Variants in CSNK1A1 observed in about 807,000 individuals in gnomAD.
CSNK1A1 encodes casein kinase 1 alpha 1.
A neutral mutation model predicts 46.1 loss-of-function variants in CSNK1A1; 7 were observed. The observed-to-expected ratio is 0.15, with a 90% CI of 0.09 to 0.29. The LOEUF is 0.29. Among genes scored for constraint, CSNK1A1 ranks in the 10% least tolerant of loss-of-function variants. The pLI is 1.00. For missense variants in CSNK1A1, 96 were observed against 417.1 expected, an observed-to-expected ratio of 0.23 and a Z score of 6.71; for synonymous variants, 137 against 141.5, an observed-to-expected ratio of 0.97 and a Z score of 0.23.
intron 9 of CSNK1A1, chr5:149,502,770 C>CA: frequency 1.1e-6 from 1 of 899,748 alleles, no homozygotes; most frequent in Non-Finnish European, 1.3e-6. Context: ...GTATGAGTTC[C>CA]TTTTTTTTTT....
chr5:149,515,581 GA>G (rs1448145750), intron 4 of CSNK1A1, among the ~76,000 whole-genome samples: 1 of 152,088 alleles, frequency 6.6e-6, no homozygotes, highest in East Asian at 1.9e-4. Flanking sequence ...TGTTAGTACT[GA>G]ACAAAGATAG....
At chr5:149,503,007 C>G (rs1465310116) in intron 9 of CSNK1A1, 1 of 914,372 alleles carries the variant, frequency 1.1e-6, no homozygotes, top group Non-Finnish European at 1.3e-6. Flanking sequence ...CTCAAGTGAT[C>G]TGCTTGCCTC....
rs1331725111 is a variant in CSNK1A1, at chr5:149,550,717, C to T, written c.123+125G>A. 3.0e-6 allele frequency: 4 copies of T among 1,342,948 alleles called. No individual in the cohort carries two copies. Among genetic ancestry groups the T allele is most frequent in the African/African-American group, 2.9e-5 (2 of 68,196 alleles). The allele number at this position is 1,342,948 out of a possible 1,614,324, so 83.2% of individuals were successfully genotyped here. On this transcript the variant is annotated intron_variant, in intron 1 of 9. Transcript: ENST00000377843. The surrounding 1 kb of genome is among the most constrained non-coding windows in gnomAD (Gnocchi z 4.3). ...GAGGTTCGTAAGCCAGGAAAACTAG[C>T]TCCCTGGACTCCCTGGCGAGTGCGT...
chr5:149,515,937 T>C (rs139359433), intron 4 of CSNK1A1, among the ~76,000 whole-genome samples: 1 of 152,240 alleles, frequency 6.6e-6, no homozygotes, highest in Non-Finnish European at 1.5e-5. Context: ...CTGTGGATTT[T>C]TACTAACTAC....
intron 9 of CSNK1A1, chr5:149,501,214 C>T: frequency 1.0e-6 from 1 of 985,394 alleles, no homozygotes; most frequent in Non-Finnish European, 1.2e-6. Flanking sequence ...GCACTTTCAT[C>T]CGCATTTCCT....
chr5:149,539,718 T>C (rs942753496), intron 2 of CSNK1A1, among the ~76,000 whole-genome samples: 1 of 152,048 alleles, frequency 6.6e-6, no homozygotes, highest in African/African-American at 2.4e-5. Context: ...AGGGATTAGT[T>C]GTCTTTTTTT....
In CSNK1A1 at chr5:149,496,747, C is replaced by T; in HGVS notation, c.*106G>A. ...TTCTTTACACCAAGTAAATGGTTGT[C>T]CACAACCACTGGCTAGTGTACATAT... On this transcript the variant is annotated 3_prime_UTR_variant, in exon 10 of 10. Coordinates refer to ENST00000377843, the MANE Select transcript of CSNK1A1 (RefSeq NM_001892.6). 1 of 1,444,676 alleles carries T rather than the reference C, an allele frequency of 6.9e-7. No individual in the cohort carries two copies. The highest frequency in any genetic ancestry group is 9.3e-7 in the Non-Finnish European group (1 of 1,079,996). The allele number at this position is 1,444,676 out of a possible 1,614,324, so 89.5% of individuals were successfully genotyped here. A position where few individuals can be genotyped will look rare whatever the true frequency, so the allele number is the denominator to read the frequency against.
intron 9 of CSNK1A1, chr5:149,497,855 A>T (rs2113035833): frequency 9.2e-6 from 9 of 977,910 alleles, no homozygotes; most frequent in African/African-American, 1.8e-5. Context: ...TTTTTTTTGG[A>T]GACAGTCTCG....
In CSNK1A1 at chr5:149,525,392, T is replaced by C. The variant is rs1047950516; in HGVS notation, c.231-221A>G. On this transcript the variant is annotated intron_variant, in intron 2 of 9. Transcript: ENST00000377843. The surrounding 1 kb of genome is among the most constrained non-coding windows in gnomAD (Gnocchi z 4.2). ...TGTCATGCAACTCCATTCTCCTATA[T>C]AGATAGGACATGCATAGTAGCCTTA... is the stretch of plus-strand genomic sequence containing the variant. Among the ~76,000 whole-genome samples the C allele has an allele frequency of 1.6e-4, 25 of 152,082 alleles. 1 individual carries two copies. The highest frequency in any genetic ancestry group is 8.8e-5 in the Non-Finnish European group (6 of 68,016).
At chr5:149,543,107 T>C (rs1334255669) in intron 2 of CSNK1A1, among the ~76,000 whole-genome samples, 5 of 152,162 alleles carry the variant, frequency 3.3e-5, no homozygotes, top group African/African-American at 1.2e-4. Context: ...GTTACTTATA[T>C]TTATGTAAGA....
rs780440830 is a variant in CSNK1A1 at position 149,509,920 on chromosome 5, T to A, written c.709A>T (p.Ser237Cys). Residue 237 changes from serine (S) to cysteine (C), a missense_variant, in exon 7 of 10, where the codon AGT becomes TGT. Physicochemically the swap from Ser to Cys is moderately radical, Grantham distance 112. Coordinates refer to ENST00000377843, the MANE Select transcript of CSNK1A1 (RefSeq NM_001892.6). ...ACAGGCGTGGACATCTTCTTTTCACTAATCTTTTCATATTTTTGTTTCTTT... is the reference window on the plus strand; with the variant it reads ...ACAGGCGTGGACATCTTCTTTTCACAAATCTTTTCATATTTTTGTTTCTTT... The part of the protein sequence containing the change: ...ATKKQKYEKI[S>C]EKKMSTPVEV... 6.2e-7 allele frequency: 1 copy of A among 1,610,624 alleles called. No individual in the cohort carries two copies. The highest frequency in any genetic ancestry group is 8.5e-7 in the Non-Finnish European group (1 of 1,178,136).
At chr5:149,532,332 G>T (rs114460792) in intron 2 of CSNK1A1, among the ~76,000 whole-genome samples, 225 of 152,096 alleles carry the variant, frequency 1.5e-3, no homozygotes, top group African/African-American at 5.2e-3. Flanking sequence ...AGTGGCTCAT[G>T]CTGAGATCAT....
In CSNK1A1 at chr5:149,539,468, T is replaced by TAA. The variant is rs5872133; in HGVS notation, c.230+10605_230+10606dup. Among the ~76,000 whole-genome samples, 15 of 137,470 alleles carry TAA rather than the reference T, an allele frequency of 1.1e-4. No individual in the cohort carries two copies. In the South Asian group the frequency reaches 2.6e-3, roughly 23 times the overall value. 90.2% of individuals were successfully genotyped at this position (137,470 alleles called of 152,430 possible). On this transcript the variant is annotated intron_variant, in intron 2 of 9. Coordinates refer to ENST00000377843, the MANE Select transcript of CSNK1A1 (RefSeq NM_001892.6). ...GGCGGCCGAGCAAGAACCCAACTCTTAAAAAAAAAAAAAAGAAAGAAAAGA... is the reference window on the plus strand; with the variant it reads ...GGCGGCCGAGCAAGAACCCAACTCTTAAAAAAAAAAAAAAAAGAAAGAAAAGA...
chr5:149,545,351 C>T (rs1056817074), intron 2 of CSNK1A1: 4 of 398,776 alleles, frequency 1.0e-5, no homozygotes, highest in Non-Finnish European at 1.8e-5. Flanking sequence ...TTGCATCAGT[C>T]CTTCTGTCCT....
Position 149,503,248 on chromosome 5 carries a change from G to A in CSNK1A1, c.1006+2199C>T, listed in dbSNP as rs565687347. ...CTGGGGGTAGAAGTTAGGGGAATAT[G>A]TTCCTCATGCTTATTTCATGCCTAA... is the stretch of plus-strand genomic sequence containing the variant. On this transcript the variant is annotated intron_variant, in intron 9 of 9. Transcript: ENST00000377843. 36 of 985,438 alleles carry A rather than the reference G, an allele frequency of 3.7e-5. 3 individuals carry two copies. In the South Asian group the frequency reaches 1.6e-3, roughly 44 times the overall value. 61.0% of individuals were successfully genotyped at this position (985,438 alleles called of 1,614,324 possible). A position where few individuals can be genotyped will look rare whatever the true frequency, so the allele number is the denominator to read the frequency against.
chr5:149,518,511 T>C (rs1761463802), intron 4 of CSNK1A1, among the ~76,000 whole-genome samples: 1 of 152,142 alleles, frequency 6.6e-6, no homozygotes, highest in Non-Finnish European at 1.5e-5. Context: ...CTGGCATTTT[T>C]CAAACTACAA....
intron 7 of CSNK1A1, among the ~76,000 whole-genome samples, chr5:149,507,871 CTAT>C (rs1484574949): frequency 1.3e-5 from 2 of 152,136 alleles, no homozygotes; most frequent in African/African-American, 4.8e-5. Context: ...TAATTTTTCT[CTAT>C]TATTAATAAT....
At chr5:149,516,229 AT>A (rs1370653415) in intron 4 of CSNK1A1, among the ~76,000 whole-genome samples, 1 of 152,112 alleles carries the variant, frequency 6.6e-6, no homozygotes, top group African/African-American at 2.4e-5. Context: ...CTGAGACAGA[AT>A]TGCTTGAACC....
intron 2 of CSNK1A1, among the ~76,000 whole-genome samples, chr5:149,538,014 G>GTTTTTTTTTT (rs890909710): frequency 7.0e-5 from 6 of 85,728 alleles, no homozygotes; most frequent in Admixed American, 1.6e-4. Context: ...AGTGTGCCCA[G>GTTTTTTTTTT]TTTTTTTTTT....
Sources: gnomAD v4.1 joint callset for allele counts (sites outside exome capture counted in the v4.1 genomes callset) on GRCh38, gnomAD v4.1.1 for gene constraint, Gnocchi (gnomAD v3.1) non-coding constraint, MANE v1.5 for transcripts, NCBI Gene and HGNC (gene_info 2026-07-23, HGNC 2026-07-21) for gene names.